Variants in HAVCR1 observed in about 807,000 individuals in gnomAD.
HAVCR1 encodes T cell immunoglobin domain and mucin domain protein 1.
Under a neutral mutation model 32.0 loss-of-function variants are expected in HAVCR1, and 34 were observed. The ratio of observed to expected loss-of-function variants is 1.06; its 90% CI spans 0.81 to 1.42. The LOEUF (loss-of-function observed/expected upper bound fraction) is 1.42. HAVCR1 is among the 40% of genes most tolerant of loss of function. HAVCR1 has a pLI of 0.00. For missense variants in HAVCR1, 420 were observed against 442.3 expected (o/e 0.95, Z 0.45); for synonymous variants, 178 against 170.3 (o/e 1.05, Z -0.35).
At chr5:157,048,617 T>A in intron 5 of HAVCR1, among the ~76,000 whole-genome samples, 1 of 151,862 alleles carries the variant, frequency 6.6e-6, no homozygotes. Context: ...GATCACGAGG[T>A]CAGGAGATCG....
chr5:157,031,987 C>T (rs1754200668), intron 8 of HAVCR1, among the ~76,000 whole-genome samples: 1 of 152,124 alleles, frequency 6.6e-6, no homozygotes, highest in Non-Finnish European at 1.5e-5. Context: ...TTTGCACTCC[C>T]TGCCCCTGCA....
At position 157,029,498 on chromosome 5, in the gene HAVCR1, T is replaced by G; in HGVS notation, c.*235A>C. The G allele has an allele frequency of 1.1e-6, 1 of 917,752 alleles. No individual in the cohort carries two copies. Among genetic ancestry groups the G allele is most frequent in the East Asian group, 2.6e-5 (1 of 37,876 alleles). The allele number at this position is 917,752 out of a possible 1,614,324, so 56.9% of individuals were successfully genotyped here. A position where few individuals can be genotyped will look rare whatever the true frequency, so the allele number is the denominator to read the frequency against. On this transcript the variant is annotated 3_prime_UTR_variant, in exon 9 of 9. Coordinates refer to ENST00000523175, the MANE Select transcript of HAVCR1 (RefSeq NM_001173393.3). Reference sequence around the variant, plus strand: ...CATATTTGAGAGAAAACTGCAATGATCAGAAGGATTGAGCCAGTTTTAGCA... The same window carrying G: ...CATATTTGAGAGAAAACTGCAATGAGCAGAAGGATTGAGCCAGTTTTAGCA...
At chr5:157,064,555 C>G in the HAVCR1 span, among the ~76,000 whole-genome samples, 1 of 151,970 alleles carries the variant, frequency 6.6e-6, no homozygotes, top group Non-Finnish European at 1.5e-5. Flanking sequence ...GCTGGAGGTT[C>G]CAGCCAATTA....
intron 6 of HAVCR1, among the ~76,000 whole-genome samples, chr5:157,041,460 T>C (rs1754888733): frequency 6.6e-6 from 1 of 150,488 alleles, no homozygotes; most frequent in East Asian, 2.0e-4. Context: ...ATCCCGCCAG[T>C]GCACTCCAGC....
chr5:157,045,393 G>T (rs1755332255), intron 5 of HAVCR1, among the ~76,000 whole-genome samples: 2 of 152,138 alleles, frequency 1.3e-5, no homozygotes, highest in Non-Finnish European at 2.9e-5. Context: ...CATGTAAAGT[G>T]GTTGGCACTA....
Position 157,057,923 on chromosome 5 carries a change from G to GTA in HAVCR1, c.20_21insTA (p.Leu8ThrfsTer2), listed in dbSNP as rs775186702. ...CTGCCAGATGTAGGATGAGGCTTAA[G>GTA]ATGACCACTTGAGGATGCATTATGG... On this transcript the variant is annotated frameshift_variant, in exon 2 of 9. Coordinates refer to ENST00000523175, the MANE Select transcript of HAVCR1 (RefSeq NM_001173393.3). LOFTEE classifies it high-confidence loss of function. 7.2e-5 allele frequency: 116 copies of GTA among 1,613,628 alleles called. No homozygotes were observed. The highest frequency in any genetic ancestry group is 6.6e-4 in the Middle Eastern group (4 of 6,084).
At chr5:157,057,391 GA>G (rs1483255653) in intron 2 of HAVCR1, among the ~76,000 whole-genome samples, 158 of 10,444 alleles carry the variant, frequency 0.015, no homozygotes, top group African/African-American at 0.019. Flanking sequence ...AGAGAGGAAA[GA>G]AAGAAAGAAA....
At chr5:157,037,475 C>A in intron 6 of HAVCR1, 114 bp from the exon 7 acceptor site, 2 of 626,054 alleles carry the variant, frequency 3.2e-6, no homozygotes, top group South Asian at 3.9e-5. Flanking sequence ...TTGGGGACTT[C>A]TGGAACATAA....
rs2036402 is a variant in HAVCR1, at chr5:157,037,231, T to C, written c.952+16A>G. 0.25 allele frequency: 329,554 copies of C among 1,297,234 alleles called. 44,814 individuals are homozygous for C. Among genetic ancestry groups the C allele is most frequent in the Admixed American group, 0.38 (22,742 of 59,576 alleles). 80.4% of individuals were successfully genotyped at this position (1,297,234 alleles called of 1,614,324 possible). On this transcript the variant is annotated intron_variant, in intron 7 of 8. Coordinates refer to ENST00000523175, the MANE Select transcript of HAVCR1 (RefSeq NM_001173393.3). ...TACATCCCTTGTCCCTTAGGAACAATCTCGAAATGACTTACTTTTGGCAAT... is the reference window on the plus strand; with the variant it reads ...TACATCCCTTGTCCCTTAGGAACAACCTCGAAATGACTTACTTTTGGCAAT...
intron 5 of HAVCR1, 104 bp from the exon 6 acceptor site, chr5:157,042,786 T>C: frequency 1.4e-6 from 1 of 704,826 alleles, no homozygotes; most frequent in Non-Finnish European, 2.5e-6. Context: ...AAAAGTTGAA[T>C]GATAATATGA....
chr5:157,045,570 G>A (rs866018370), intron 5 of HAVCR1, among the ~76,000 whole-genome samples: 2 of 152,174 alleles, frequency 1.3e-5, no homozygotes, highest in Non-Finnish European at 2.9e-5. Flanking sequence ...GGAGTTGTGT[G>A]TCTCCAGAGC....
rs115797909 is a variant in HAVCR1 at position 157,049,492 on chromosome 5, G to A, written c.674-347C>T. On this transcript the variant is annotated intron_variant, in intron 4 of 8. Coordinates refer to ENST00000523175, the MANE Select transcript of HAVCR1 (RefSeq NM_001173393.3). ...TCTAAATAGACAAAGCCAACAACAG[G>A]GCATTTTATGTAGAATACCCAATTA... Among the ~76,000 whole-genome samples the A allele has an allele frequency of 6.0e-3, 917 of 152,128 alleles. 6 individuals carry two copies. Among genetic ancestry groups the A allele is most frequent in the African/African-American group, 0.021 (889 of 41,494 alleles).
At chr5:157,053,851 C>A (rs1755935205) in intron 3 of HAVCR1, among the ~76,000 whole-genome samples, 1 of 149,860 alleles carries the variant, frequency 6.7e-6, no homozygotes. Flanking sequence ...GCCTGGGCGA[C>A]AGAGAAAGAC....
intron 2 of HAVCR1, among the ~76,000 whole-genome samples, chr5:157,056,015 T>A (rs1756112792): frequency 6.6e-6 from 1 of 151,442 alleles, no homozygotes; most frequent in African/African-American, 2.4e-5. Context: ...GGCGCAAAGA[T>A]CTTGGCTCAC....
At chr5:157,065,665 G>C in the HAVCR1 span, among the ~76,000 whole-genome samples, 2 of 152,130 alleles carry the variant, frequency 1.3e-5, no homozygotes, top group African/African-American at 4.8e-5. Context: ...GGCCAGCCTG[G>C]CCAACATGGT....
rs201270450 is a variant in HAVCR1 at position 157,052,573 on chromosome 5, G to A, written c.461C>T (p.Thr154Met). ...VRTSTTVPTT[T>M]TVPMTTVPTT... ...TGGAACAGTCGTCATTGGAACAGTC[G>A]TTGTCGTTGGAACAGTGGTGCTCGT... is the stretch of plus-strand genomic sequence containing the variant. The change falls in exon 4 of 9, where the codon ACG becomes ATG. Residue 154 changes from threonine (T) to methionine (M), a missense_variant. By Grantham distance (81) the Thr-to-Met change is moderately conservative. Transcript: ENST00000523175. 19 of 1,605,814 alleles carry A rather than the reference G, an allele frequency of 1.2e-5. No individual in the cohort carries two copies. Among genetic ancestry groups the A allele is most frequent in the South Asian group, 2.2e-5 (2 of 90,242 alleles).
At chr5:157,050,434 A>G (rs1173574018) in intron 4 of HAVCR1, among the ~76,000 whole-genome samples, 1 of 152,222 alleles carries the variant, frequency 6.6e-6, no homozygotes, top group Non-Finnish European at 1.5e-5. Context: ...TGAGCAGGGA[A>G]GATTGGATGC....
chr5:157,045,330 A>G (rs547749888), intron 5 of HAVCR1, among the ~76,000 whole-genome samples: 11 of 152,218 alleles, frequency 7.2e-5, no homozygotes, highest in Admixed American at 1.3e-4. Flanking sequence ...CATGAACTAC[A>G]ACCTATTAAT....
At chr5:157,057,083 G>A (rs533202410) in intron 2 of HAVCR1, among the ~76,000 whole-genome samples, 52 of 151,986 alleles carry the variant, frequency 3.4e-4, no homozygotes, top group South Asian at 2.1e-4. Context: ...TTGGGAGGCC[G>A]AGGCAGGTGG....
Sources: gnomAD v4.1 joint callset for allele counts (sites outside exome capture counted in the v4.1 genomes callset) on GRCh38, gnomAD v4.1.1 for gene constraint, MANE v1.5 for transcripts, NCBI Gene and HGNC (gene_info 2026-07-23, HGNC 2026-07-21) for gene names.